The following LYSMD2 variants were observed in gnomAD, a reference collection of about 807,000 sequenced individuals.
The protein encoded by LYSMD2 is LysM domain containing 2.
In LYSMD2, 6 loss-of-function variants were observed where a neutral mutation model predicts 17.7. The observed-to-expected ratio is 0.34, with a 90% confidence interval of 0.19 to 0.67. The LOEUF is 0.67. Among genes scored for constraint, LYSMD2 ranks in the 30% least tolerant of loss-of-function variants. The pLI is 0.69. For synonymous variants in LYSMD2, 102 were observed against 129.8 expected, an observed-to-expected ratio of 0.79 and a Z score of 1.45; for missense variants, 237 against 286.7, an observed-to-expected ratio of 0.83 and a Z score of 1.25.
In LYSMD2 at chr15:51,736,433, C is replaced by G. The variant is rs541923120; in HGVS notation, c.273+917G>C. Among the ~76,000 whole-genome samples the G allele has an allele frequency of 3.9e-5, 6 of 152,268 alleles. No individual in the cohort carries two copies. The East Asian group carries it at 1.2e-3, about 29-fold the overall frequency. ...AAGGACCTGATAGGTAAACATATAC[C>G]GGCTTAAATATGCAAAATACATTCT... is the stretch of plus-strand genomic sequence containing the variant. On this transcript the variant is annotated intron_variant, in intron 1 of 2. Transcript: ENST00000267838.
intron 1 of LYSMD2, among the ~76,000 whole-genome samples, chr15:51,732,362 C>CAATGAAACA (rs574555205): frequency 6.6e-6 from 1 of 152,172 alleles, no homozygotes; most frequent in Non-Finnish European, 1.5e-5. Flanking sequence ...ATACAAACAT[C>CAATGAAACA]AATGAAACAA....
chr15:51,737,703 T>G (rs763595609), upstream of LYSMD2: 142 of 1,027,386 alleles, frequency 1.4e-4, 1 homozygote, highest in Admixed American at 6.8e-4. The surrounding 1 kb of genome is among the most constrained non-coding windows in gnomAD (Gnocchi z 4.2). Context: ...CGCCGCCTCT[T>G]CCTCTTCACA....
Position 51,746,749 on chromosome 15 carries a change from G to A in LYSMD2, c.-1+4522C>T, listed in dbSNP as rs562815592. Among the ~76,000 whole-genome samples the A allele has an allele frequency of 5.3e-4, 80 of 151,828 alleles. No individual in the cohort carries two copies. The East Asian group carries it at 5.6e-3, about 11-fold the overall frequency. ...ATACCCCACCCCACCACTCTACCCC[G>A]TCTCCCACACTCGATAATTTTTAAA... On this transcript the variant is annotated intron_variant, in intron 1 of 2. Transcript: ENST00000454181.
chr15:51,724,697 G>A, intron 2 of LYSMD2, 93 bp downstream of exon 2: 1 of 718,024 alleles, frequency 1.4e-6, no homozygotes, highest in South Asian at 5.4e-5. Context: ...GAAAAGAAAA[G>A]GCAAAGAAAA....
At chr15:51,749,811 G>A (rs914774238) in intron 1 of LYSMD2, among the ~76,000 whole-genome samples, 2 of 152,124 alleles carry the variant, frequency 1.3e-5, no homozygotes, top group South Asian at 2.1e-4. Flanking sequence ...CAGGACATTC[G>A]GAATAACAAA....
Position 51,723,622 on chromosome 15 carries a change from G to A in LYSMD2, c.633C>T (p.Ser211=), listed in dbSNP as rs769457661. 18 of 1,606,728 alleles carry A rather than the reference G, an allele frequency of 1.1e-5. No homozygotes were observed. In the Admixed American group the frequency reaches 1.3e-4, roughly 12 times the overall value. ...SRDEESPYAT[S]LYHS is the part of the protein sequence containing the mutation. ...CCCAAATCACCTAACTGTGATAGAG[G>A]GAAGTTGCATAGGGACTTTCTTCAT... The change falls in exon 3 of 3, where the codon TCC becomes TCT. Residue 211 remains serine (S), a synonymous_variant. Coordinates refer to ENST00000267838, the MANE Select transcript of LYSMD2 (RefSeq NM_153374.3).
At position 51,737,549 on chromosome 15, in the gene LYSMD2, G is replaced by A. The variant is rs2055619262; in HGVS notation, c.74C>T (p.Pro25Leu). 2 of 1,230,380 alleles carry A rather than the reference G, an allele frequency of 1.6e-6. No homozygotes were observed. Among genetic ancestry groups the A allele is most frequent in the African/African-American group, 1.6e-5 (1 of 63,556 alleles). 76.2% of individuals were successfully genotyped at this position (1,230,380 alleles called of 1,614,324 possible). A position where few individuals can be genotyped will look rare whatever the true frequency, so the allele number is the denominator to read the frequency against. Residue 25 changes from proline (P) to leucine (L), a missense_variant, in exon 1 of 3, where the codon CCG (proline) becomes CTG (leucine). By Grantham distance (98) the Pro-to-Leu change is moderately conservative. Coordinates refer to ENST00000267838, the MANE Select transcript of LYSMD2 (RefSeq NM_153374.3). This position sits in a 1 kb window ranked among gnomAD's most constrained non-coding sequence, Gnocchi z 4.2. ...GGAGCCGGAGCGCGAGCGCGGCGGC[G>A]GCGAGGGGGCCGAGGGCCGCGGCGC... is the stretch of plus-strand genomic sequence containing the variant. The part of the protein sequence containing the change: ...PRAPRPSAPS[P>L]PPRSRSGSES...
chr15:51,741,041 T>C (rs2055640203), upstream of LYSMD2, among the ~76,000 whole-genome samples: 1 of 152,232 alleles, frequency 6.6e-6, no homozygotes, highest in Non-Finnish European at 1.5e-5. Flanking sequence ...GACAGAGTTA[T>C]GCTGACATTC....
At chr15:51,744,083 A>G (rs1460089893) in intron 1 of LYSMD2, among the ~76,000 whole-genome samples, 1 of 152,168 alleles carries the variant, frequency 6.6e-6, no homozygotes, top group Non-Finnish European at 1.5e-5. Flanking sequence ...CATGTTATCT[A>G]TGAATAAAGA....
upstream of LYSMD2, among the ~76,000 whole-genome samples, chr15:51,741,118 C>T (rs2055640479): frequency 6.6e-6 from 1 of 152,128 alleles, no homozygotes; most frequent in South Asian, 2.1e-4. Context: ...GGAGGCTTAC[C>T]CTTATAGCCA....
chr15:51,724,634 T>A (rs1320405921), intron 2 of LYSMD2, among the ~76,000 whole-genome samples, 156 bp downstream of exon 2: 1 of 142,560 alleles, frequency 7.0e-6, no homozygotes, highest in African/African-American at 2.6e-5. Flanking sequence ...AAGGAAGAAA[T>A]TAAGAAAGAA....
chr15:51,745,155 T>C (rs1317366271), intron 1 of LYSMD2, among the ~76,000 whole-genome samples: 1 of 152,150 alleles, frequency 6.6e-6, no homozygotes, highest in African/African-American at 2.4e-5. Context: ...AAGACCTAGA[T>C]AGCTTCATTG....
At chr15:51,747,339 A>C (rs1039643828) in intron 1 of LYSMD2, among the ~76,000 whole-genome samples, 1 of 151,684 alleles carries the variant, frequency 6.6e-6, no homozygotes, top group Non-Finnish European at 1.5e-5. Context: ...TAAAAATACA[A>C]AATTAGCCAG....
In LYSMD2 at chr15:51,723,493, T is replaced by C; in HGVS notation, c.*114A>G. On this transcript the variant is annotated 3_prime_UTR_variant, in exon 3 of 3. Coordinates refer to ENST00000267838, the MANE Select transcript of LYSMD2 (RefSeq NM_153374.3). ...AGCAGGTAGAACTACCTAGTTATGA[T>C]TTTAAGATGGACACTATAGGAATCC... 1 of 859,034 alleles carries C rather than the reference T, an allele frequency of 1.2e-6. No homozygotes were observed. 53.2% of individuals were successfully genotyped at this position (859,034 alleles called of 1,614,324 possible).
chr15:51,729,056 A>C (rs1244170796), intron 1 of LYSMD2, among the ~76,000 whole-genome samples: 4 of 152,274 alleles, frequency 2.6e-5, no homozygotes, highest in Non-Finnish European at 4.4e-5. Context: ...GCTTAGGCCA[A>C]ATGCATAGGC....
At chr15:51,731,502 C>T (rs905051560) in intron 1 of LYSMD2, among the ~76,000 whole-genome samples, 1 of 152,040 alleles carries the variant, frequency 6.6e-6, no homozygotes, top group African/African-American at 2.4e-5. Context: ...CTTTCGTTAG[C>T]GGAAATGTTA....
upstream of LYSMD2, among the ~76,000 whole-genome samples, chr15:51,740,734 A>C (rs2055638657): frequency 6.6e-6 from 1 of 152,186 alleles, no homozygotes; most frequent in Admixed American, 6.5e-5. Context: ...ATACCACCAA[A>C]AATACCTAGG....
intron 1 of LYSMD2, among the ~76,000 whole-genome samples, chr15:51,744,122 A>G (rs2055655909): frequency 6.6e-6 from 1 of 152,126 alleles, no homozygotes; most frequent in Non-Finnish European, 1.5e-5. Flanking sequence ...CTCAATCCGT[A>G]TATCCCTTTT....
chr15:51,740,888 A>G (rs2055639567), upstream of LYSMD2, among the ~76,000 whole-genome samples: 1 of 152,228 alleles, frequency 6.6e-6, no homozygotes, highest in African/African-American at 2.4e-5. Context: ...TGAAGTACAT[A>G]AAAGAAATAT....
Sources: gnomAD v4.1 joint callset for allele counts (sites outside exome capture counted in the v4.1 genomes callset) on GRCh38, gnomAD v4.1.1 for gene constraint, Gnocchi (gnomAD v3.1) non-coding constraint, MANE v1.5 for transcripts, NCBI Gene and HGNC (gene_info 2026-07-23, HGNC 2026-07-21) for gene names.